CD5: variants seen among roughly 807,000 people sequenced by gnomAD.
The protein encoded by CD5 is CD5 molecule.
In CD5, 36 loss-of-function variants were observed where a neutral mutation model predicts 60.3. That is an observed-to-expected ratio of 0.60 (90% CI 0.46 to 0.79). The LOEUF (loss-of-function observed/expected upper bound fraction) is 0.79, where lower values mean the gene tolerates loss of function less well. CD5 is among the 30% of genes least tolerant of loss of function. CD5 has a pLI of 0.00. For synonymous variants in CD5, 230 were observed against 257.6 expected (o/e 0.89, Z 1.03); for missense variants, 540 against 630.6 (o/e 0.86, Z 1.54).
intron 1 of CD5, among the ~76,000 whole-genome samples, chr11:61,108,471 C>G (rs1237081032): frequency 6.6e-6 from 1 of 152,158 alleles, no homozygotes; most frequent in Non-Finnish European, 1.5e-5. Context: ...AATCATAAAC[C>G]AATCATTTCA....
At chr11:61,120,581 G>A (rs996584589) in intron 5 of CD5, among the ~76,000 whole-genome samples, 1 of 152,220 alleles carries the variant, frequency 6.6e-6, no homozygotes, top group Non-Finnish European at 1.5e-5. Flanking sequence ...GCAGCAGCTG[G>A]TTAGAAATGC....
chr11:61,098,065 A>G (rs1391923924), upstream of CD5, among the ~76,000 whole-genome samples: 1 of 152,194 alleles, frequency 6.6e-6, no homozygotes, highest in Non-Finnish European at 1.5e-5. Context: ...ATAGTTAGAG[A>G]TAGGACAAAA....
the CD5 span, among the ~76,000 whole-genome samples, chr11:61,096,118 G>C: frequency 6.6e-6 from 1 of 152,258 alleles, no homozygotes; most frequent in African/African-American, 2.4e-5. Flanking sequence ...GCCATTATGG[G>C]AATTCCCCCG....
At chr11:61,109,784 T>C (rs920790947) in intron 1 of CD5, among the ~76,000 whole-genome samples, 1 of 152,230 alleles carries the variant, frequency 6.6e-6, no homozygotes, top group South Asian at 2.1e-4. Context: ...GAATTTTGCC[T>C]GGGTTTGCCC....
chr11:61,116,700 C>CT, intron 2 of CD5, among the ~76,000 whole-genome samples: 1 of 57,516 alleles, frequency 1.7e-5, no homozygotes, highest in Non-Finnish European at 3.6e-5. Flanking sequence ...ACATACACAC[C>CT]ACACACACCA....
rs1861002424 is a variant in CD5 at position 61,118,672 on chromosome 11, A to G, written c.400+192A>G. ...GCCAGCACCCATCTGTAGGATGGCA[A>G]TGGAGGACCTAGTTCTGCCAATCAC... On this transcript the variant is annotated intron_variant, in intron 3 of 10. Coordinates refer to ENST00000347785, the MANE Select transcript of CD5 (RefSeq NM_014207.4). This position sits in a 1 kb window ranked among gnomAD's most constrained non-coding sequence, Gnocchi z 4.7. Among the ~76,000 whole-genome samples, 1 of 152,244 alleles carries G rather than the reference A, an allele frequency of 6.6e-6. No homozygotes were observed.
In CD5 at chr11:61,121,795, G is replaced by A. The variant is rs200599567; in HGVS notation, c.990G>A (p.Leu330=). Residue 330 remains leucine (L), a synonymous_variant, in exon 6 of 11, where the codon CTG becomes CTA. Transcript: ENST00000347785. ...GCAGCGTCAACTCCTATCGAGTGCT[G>A]GACGCTGGTGACCCAACATCCCGGG... ...QCGSVNSYRV[L]DAGDPTSRGL... 4.7e-5 allele frequency: 75 copies of A among 1,610,408 alleles called. No homozygotes were observed. The highest frequency in any genetic ancestry group is 1.6e-4 in the Middle Eastern group (1 of 6,068).
At chr11:61,098,792 T>G (rs1231351446), upstream of CD5, among the ~76,000 whole-genome samples, 1 of 152,174 alleles carries the variant, frequency 6.6e-6, no homozygotes, top group Non-Finnish European at 1.5e-5. Context: ...AACCCCTTCT[T>G]TCTTTAACTT....
At chr11:61,099,494 A>C (rs1860628370), upstream of CD5, among the ~76,000 whole-genome samples, 1 of 151,516 alleles carries the variant, frequency 6.6e-6, no homozygotes, top group African/African-American at 2.4e-5. Flanking sequence ...ACACATCAAC[A>C]TGGAGATCAC....
chr11:61,121,557 A>G, intron 5 of CD5, 54 bp from the exon 6 acceptor site: 1 of 1,375,068 alleles, frequency 7.3e-7, no homozygotes, highest in East Asian at 2.7e-5. Flanking sequence ...AGGAAGCAGC[A>G]CACAGGCTCA....
intron 2 of CD5, among the ~76,000 whole-genome samples, chr11:61,115,623 C>A (rs933596523): frequency 6.6e-6 from 1 of 152,204 alleles, no homozygotes; most frequent in East Asian, 1.9e-4. Context: ...CAGTGTACAC[C>A]GGCCCAGTAA....
At chr11:61,110,352 G>T (rs894369136) in intron 1 of CD5, among the ~76,000 whole-genome samples, 2 of 152,162 alleles carry the variant, frequency 1.3e-5, no homozygotes, top group Non-Finnish European at 2.9e-5. Flanking sequence ...AGGAGCTAAA[G>T]ATTATAGATC....
At chr11:61,114,450 A>G (rs959272936) in intron 1 of CD5, among the ~76,000 whole-genome samples, 7 of 145,186 alleles carry the variant, frequency 4.8e-5, no homozygotes, top group African/African-American at 1.9e-4. Context: ...ACACACACAT[A>G]CATGCATACA....
At chr11:61,101,121 A>C, upstream of CD5, among the ~76,000 whole-genome samples, 1 of 107,990 alleles carries the variant, frequency 9.3e-6, no homozygotes, top group African/African-American at 3.3e-5. Context: ...TGGAGATCAC[A>C]CACACACATC....
At chr11:61,101,389 C>T (rs180682724), upstream of CD5, among the ~76,000 whole-genome samples, 4 of 57,384 alleles carry the variant, frequency 7.0e-5, no homozygotes, top group Admixed American at 2.6e-4. Context: ...ACATGGAGAT[C>T]ACACACACAC....
intron 2 of CD5, among the ~76,000 whole-genome samples, chr11:61,115,655 C>T (rs959150940): frequency 2.0e-5 from 3 of 152,330 alleles, no homozygotes; most frequent in South Asian, 4.1e-4. Flanking sequence ...AATCCTGCAG[C>T]GAAGAAATAC....
chr11:61,098,218 T>A (rs367839534), upstream of CD5, among the ~76,000 whole-genome samples: 61 of 152,322 alleles, frequency 4.0e-4, 1 homozygote, highest in South Asian at 0.012. Flanking sequence ...CTCCCTTGTT[T>A]GCTACCTGTA....
chr11:61,120,579 T>C (rs1011603212), intron 5 of CD5, among the ~76,000 whole-genome samples: 1 of 152,196 alleles, frequency 6.6e-6, no homozygotes, highest in Non-Finnish European at 1.5e-5. Flanking sequence ...CAGCAGCAGC[T>C]GGTTAGAAAT....
At chr11:61,112,272 A>C (rs544288017) in intron 1 of CD5, among the ~76,000 whole-genome samples, 2 of 152,224 alleles carry the variant, frequency 1.3e-5, no homozygotes, top group South Asian at 2.1e-4. Context: ...GCAGGACAAA[A>C]GGGCCTCCTT....
Sources: gnomAD v4.1 joint callset for allele counts (sites outside exome capture counted in the v4.1 genomes callset) on GRCh38, gnomAD v4.1.1 for gene constraint, Gnocchi (gnomAD v3.1) non-coding constraint, MANE v1.5 for transcripts, NCBI Gene and HGNC (gene_info 2026-07-23, HGNC 2026-07-21) for gene names.